The following DRC4 variants were observed in gnomAD, a reference collection of about 807,000 sequenced individuals.
DRC4 encodes GAS-11.
At chr16:90,027,536 T>C in the DRC4 span, 2 of 1,191,296 alleles carry the variant, frequency 1.7e-6, no homozygotes, top group East Asian at 4.7e-5. Context: ...GGGAGAGAGG[T>C]TCCAGAACCT....
the DRC4 span, chr16:90,042,424 C>T: frequency 0.61 from 965,141 of 1,587,546 alleles, 304,944 homozygotes; most frequent in Non-Finnish European, 0.67. Flanking sequence ...CCCGTTGCCT[C>T]GGCCAAAAGA....
the DRC4 span, among the ~76,000 whole-genome samples, chr16:90,042,031 A>G: frequency 1.3e-5 from 2 of 151,900 alleles, no homozygotes; most frequent in Non-Finnish European, 2.9e-5. Context: ...TCCGTTTCCC[A>G]GGTTCAAGCA....
the DRC4 span, chr16:90,044,353 T>C: frequency 4.9e-6 from 2 of 408,366 alleles, no homozygotes; most frequent in Admixed American, 3.0e-5. Flanking sequence ...ACCTTTCTTT[T>C]GGGAGCTCAA....
At chr16:90,037,965 T>A in the DRC4 span, 1 of 891,182 alleles carries the variant, frequency 1.1e-6, no homozygotes, top group Non-Finnish European at 1.9e-6. Context: ...GCACCCCTGC[T>A]AGCCAGGGAC....
At chr16:90,037,367 G>A in the DRC4 span, 3 of 1,613,718 alleles carry the variant, frequency 1.9e-6, no homozygotes, top group African/African-American at 1.3e-5. Flanking sequence ...GAAACAGCTC[G>A]CAAACTACGA....
chr16:90,028,426 G>C, the DRC4 span, among the ~76,000 whole-genome samples: 871 of 151,342 alleles, frequency 5.8e-3, 3 homozygotes, highest in African/African-American at 0.02. Context: ...CTGACCTCGT[G>C]ATCCACTCGC....
At chr16:90,023,404 T>C in the DRC4 span, among the ~76,000 whole-genome samples, 2 of 152,142 alleles carry the variant, frequency 1.3e-5, no homozygotes, top group East Asian at 3.9e-4. Context: ...TCTCCCTTTG[T>C]GGTACAGGAA....
chr16:90,020,116 C>A, the DRC4 span: 3 of 599,438 alleles, frequency 5.0e-6, no homozygotes, highest in Middle Eastern at 7.6e-4. Context: ...ACTGCTGGGT[C>A]ATTTTGAAGC....
chr16:90,043,670 G>A, the DRC4 span: 52 of 542,720 alleles, frequency 9.6e-5, no homozygotes, highest in East Asian at 1.8e-3. Context: ...GCAGTGCCGC[G>A]CTGTGCTGCC....
chr16:90,042,277 C>G, the DRC4 span: 2 of 638,620 alleles, frequency 3.1e-6, no homozygotes, highest in South Asian at 1.5e-5. Flanking sequence ...GCTCCCAGTT[C>G]TCTGCTTCTT....
the DRC4 span, chr16:90,043,447 C>A: frequency 1.7e-6 from 2 of 1,187,458 alleles, no homozygotes; most frequent in Non-Finnish European, 2.3e-6. Flanking sequence ...ATTTTATCAT[C>A]AGCAAATGAA....
chr16:90,042,539 C>T, the DRC4 span: 95 of 1,612,358 alleles, frequency 5.9e-5, no homozygotes, highest in Middle Eastern at 1.7e-4. Context: ...CTGTAAGGTA[C>T]GGCTGTGCCC....
the DRC4 span, chr16:90,029,484 C>T: frequency 2.3e-6 from 1 of 433,178 alleles, no homozygotes; most frequent in South Asian, 2.0e-5. Context: ...GTGAGCCAAA[C>T]AGACCAGTCA....
At chr16:90,032,245 TGAG>T in the DRC4 span, among the ~76,000 whole-genome samples, 4 of 145,496 alleles carry the variant, frequency 2.7e-5, no homozygotes, top group Admixed American at 6.9e-5. Context: ...AATGTACAAG[TGAG>T]GAGGTGTGGT....
the DRC4 span, among the ~76,000 whole-genome samples, chr16:90,035,021 A>C: frequency 6.1e-5 from 9 of 147,952 alleles, no homozygotes; most frequent in Admixed American, 6.3e-4. Context: ...CTCCTGCCTC[A>C]GCCTCTCGAC....
the DRC4 span, among the ~76,000 whole-genome samples, chr16:90,025,165 C>T: frequency 2.7e-5 from 4 of 150,882 alleles, no homozygotes; most frequent in East Asian, 2.1e-4. Flanking sequence ...TACAGGTGCC[C>T]GCCACCACGC....
chr16:90,026,313 TTC>T, the DRC4 span, among the ~76,000 whole-genome samples: 1 of 152,118 alleles, frequency 6.6e-6, no homozygotes. Context: ...GGTTAGAAGG[TTC>T]TCTCCCATCC....
At chr16:90,022,758 G>T in the DRC4 span, 1 of 1,367,316 alleles carries the variant, frequency 7.3e-7, no homozygotes, top group Non-Finnish European at 9.5e-7. Context: ...TGGGGTCCTC[G>T]GCAGGGGCCC....
At chr16:90,038,164 T>G in the DRC4 span, among the ~76,000 whole-genome samples, 1 of 152,182 alleles carries the variant, frequency 6.6e-6, no homozygotes, top group Non-Finnish European at 1.5e-5. Flanking sequence ...CACATGACTT[T>G]CGTCCCCTCG....
Sources: gnomAD v4.1 joint callset for allele counts (sites outside exome capture counted in the v4.1 genomes callset) on GRCh38, gnomAD v4.1.1 for gene constraint, MANE v1.5 for transcripts, NCBI Gene and HGNC (gene_info 2026-07-23, HGNC 2026-07-21) for gene names.